Variants in DGKB observed in about 807,000 individuals in gnomAD.
DGKB encodes the protein diacylglycerol kinase beta, also known as 90 kDa diacylglycerol kinase.
Under a neutral mutation model 114.3 loss-of-function variants are expected in DGKB, and 67 were observed. The observed-to-expected ratio is 0.59, with a 90% CI of 0.48 to 0.72. The LOEUF (loss-of-function observed/expected upper bound fraction) is 0.72, where lower values mean the gene tolerates loss of function less well. Among genes scored for constraint, DGKB ranks in the 30% least tolerant of loss-of-function variants. The probability of loss-of-function intolerance (pLI) is 0.00; values close to 1 mark genes in which losing one functional copy is unlikely to be tolerated. For synonymous variants in DGKB, 398 were observed against 323.1 expected (o/e 1.23, Z -2.49); for missense variants, 907 against 975.2 (o/e 0.93, Z 0.93).
At chr7:14,713,634 CTT>C (rs34868404) in intron 6 of DGKB, among the ~76,000 whole-genome samples, 42 of 144,212 alleles carry the variant, frequency 2.9e-4, no homozygotes, top group East Asian at 4.0e-4. Flanking sequence ...CTCTCTTGGT[CTT>C]TTTTTTTTTT....
intron 21 of DGKB, among the ~76,000 whole-genome samples, chr7:14,449,234 T>C (rs1442646181): frequency 6.6e-6 from 1 of 152,132 alleles, no homozygotes; most frequent in Admixed American, 6.6e-5. Context: ...TATTATTTTT[T>C]GTTGATGAGC....
At chr7:14,243,598 A>G (rs899051711) in intron 23 of DGKB, among the ~76,000 whole-genome samples, 1 of 152,208 alleles carries the variant, frequency 6.6e-6, no homozygotes, top group African/African-American at 2.4e-5. Context: ...CAAAGCAAAT[A>G]TGTGAGACTG....
At chr7:14,314,793 T>C (rs1806149858) in intron 23 of DGKB, among the ~76,000 whole-genome samples, 1 of 151,228 alleles carries the variant, frequency 6.6e-6, no homozygotes, top group Non-Finnish European at 1.5e-5. Flanking sequence ...GCCACAAAGA[T>C]ACTCCTCGAG....
intron 21 of DGKB, among the ~76,000 whole-genome samples, chr7:14,386,751 A>G (rs1820404049): frequency 6.6e-6 from 1 of 152,194 alleles, no homozygotes; most frequent in South Asian, 2.1e-4. Context: ...CAACTCTCTC[A>G]GGAGGCTTGG....
intron 17 of DGKB, among the ~76,000 whole-genome samples, chr7:14,605,707 G>A (rs949043236): frequency 6.6e-6 from 1 of 151,902 alleles, no homozygotes; most frequent in Non-Finnish European, 1.5e-5. Flanking sequence ...AGTGAGATGA[G>A]AGAACAGGGC....
chr7:14,641,620 A>G (rs77355347), intron 13 of DGKB, among the ~76,000 whole-genome samples: 3,324 of 152,056 alleles, frequency 0.022, 117 homozygotes, highest in African/African-American at 0.076. Flanking sequence ...AATAATCCTG[A>G]CGCCTTTGAT....
chr7:14,878,756 AAAAAAAAAAAAAC>A (rs971568957), intron 1 of DGKB, among the ~76,000 whole-genome samples: 9 of 29,194 alleles, frequency 3.1e-4, no homozygotes, highest in African/African-American at 3.8e-4. Context: ...CTCAAAAAAC[AAAAAAAAAAAAAC>A]AAAAAAAAAA....
intron 1 of DGKB, among the ~76,000 whole-genome samples, chr7:14,855,076 A>G (rs1398331392): frequency 6.6e-6 from 1 of 152,200 alleles, no homozygotes; most frequent in Non-Finnish European, 1.5e-5. Context: ...AAGCTACTAG[A>G]AATAAATTAC....
chr7:14,917,839 T>C (rs1440782739), intron 1 of DGKB, among the ~76,000 whole-genome samples: 1 of 151,978 alleles, frequency 6.6e-6, no homozygotes, highest in African/African-American at 2.4e-5. Context: ...CAATTATATA[T>C]CATAAATGAT....
chr7:14,272,936 A>T (rs1274994812), intron 23 of DGKB, among the ~76,000 whole-genome samples: 1 of 152,232 alleles, frequency 6.6e-6, no homozygotes, highest in Non-Finnish European at 1.5e-5. Flanking sequence ...GGGGGAATAC[A>T]TGGAATAGTT....
upstream of DGKB, chr7:14,903,212 A>AGTGTGTGTGTGTGTGTGTGTGTGTGT (rs34367492): frequency 7.3e-6 from 1 of 137,408 alleles, no homozygotes; most frequent in Non-Finnish European, 1.6e-5. Flanking sequence ...AAGTCTGTGC[A>AGTGTGTGTGTGTGTGTGTGTGTGTGT]GTGTGTGTGT....
chr7:14,828,485 C>T (rs1026854966), intron 2 of DGKB, among the ~76,000 whole-genome samples: 2 of 152,056 alleles, frequency 1.3e-5, no homozygotes, highest in African/African-American at 4.8e-5. Flanking sequence ...CTCACCTTCA[C>T]GGGAAGGGGC....
At chr7:14,925,175 T>C (rs1784688007) in intron 1 of DGKB, among the ~76,000 whole-genome samples, 1 of 152,238 alleles carries the variant, frequency 6.6e-6, no homozygotes, top group South Asian at 2.1e-4. Flanking sequence ...ATTCGTCCAC[T>C]GAAGGATACC....
intron 5 of DGKB, among the ~76,000 whole-genome samples, chr7:14,724,333 G>A (rs1829702792): frequency 1.3e-5 from 2 of 152,200 alleles, no homozygotes; most frequent in South Asian, 4.1e-4. Context: ...TATGCTTGTT[G>A]TAGTATATTA....
intron 2 of DGKB, among the ~76,000 whole-genome samples, chr7:14,830,165 G>A (rs546828341): frequency 5.3e-4 from 81 of 152,104 alleles, no homozygotes; most frequent in African/African-American, 1.9e-3. Flanking sequence ...AAAATTGTAT[G>A]TGTTGATTTT....
At chr7:14,881,540 T>A (rs1444293284) in intron 1 of DGKB, among the ~76,000 whole-genome samples, 2 of 152,144 alleles carry the variant, frequency 1.3e-5, no homozygotes, top group Non-Finnish European at 2.9e-5. Flanking sequence ...ATTAAGAGTG[T>A]ATGCAGAACA....
At chr7:14,218,283 G>C (rs1292455265) in intron 23 of DGKB, among the ~76,000 whole-genome samples, 1 of 152,058 alleles carries the variant, frequency 6.6e-6, no homozygotes, top group African/African-American at 2.4e-5. Context: ...TTGACCTCTA[G>C]CTTAACTTAG....
chr7:14,512,485 T>C (rs1020667608), intron 20 of DGKB, among the ~76,000 whole-genome samples: 4 of 152,184 alleles, frequency 2.6e-5, no homozygotes, highest in Non-Finnish European at 1.5e-5. Flanking sequence ...ATCAGATAGA[T>C]TAAAATGTCA....
chr7:14,604,413 A>T (rs1054076881), intron 17 of DGKB, among the ~76,000 whole-genome samples: 12 of 152,168 alleles, frequency 7.9e-5, no homozygotes, highest in African/African-American at 2.9e-4. Flanking sequence ...GAAGAGTTGT[A>T]TACCAAAAGA....
Sources: allele counts gnomAD v4.1 joint callset (sites outside exome capture counted in the v4.1 genomes callset), GRCh38; gene constraint gnomAD v4.1.1; transcripts MANE v1.5; gene names NCBI Gene and HGNC (gene_info 2026-07-23, HGNC 2026-07-21).